The following PRKCQ variants were observed in gnomAD, a reference collection of about 807,000 sequenced individuals.
PRKCQ encodes the protein protein kinase C theta, also known as protein kinase C theta type.
PRKCQ carries 41 observed loss-of-function variants against 91.2 expected under a neutral mutation model. That is an observed-to-expected ratio of 0.45 (90% confidence interval 0.35 to 0.58). The LOEUF (loss-of-function observed/expected upper bound fraction) is 0.58. PRKCQ is among the 20% of genes least tolerant of loss of function. The probability of loss-of-function intolerance (pLI) is 0.00; values close to 1 mark genes in which losing one functional copy is unlikely to be tolerated. For synonymous variants in PRKCQ, 307 were observed against 316.9 expected, an observed-to-expected ratio of 0.97 and a Z score of 0.33; for missense variants, 673 against 896.5, an observed-to-expected ratio of 0.75 and a Z score of 3.18.
chr10:6,505,487 T>TTCCC (rs71391843), intron 4 of PRKCQ, among the ~76,000 whole-genome samples: 6 of 148,214 alleles, frequency 4.0e-5, no homozygotes, highest in African/African-American at 7.5e-5. Flanking sequence ...CCTTCCTTCC[T>TTCCC]TCCCTCCCTC....
At chr10:6,424,353 G>T (rs1833068733), downstream of PRKCQ, among the ~76,000 whole-genome samples, 2 of 152,148 alleles carry the variant, frequency 1.3e-5, no homozygotes, top group Admixed American at 1.3e-4. Context: ...CATCTAGCTC[G>T]AGAGGGCAGT....
chr10:6,520,558 C>T lies in PRKCQ; in HGVS notation c.-9-5414G>A, dbSNP rs576215397. Among the ~76,000 whole-genome samples the T allele has an allele frequency of 1.4e-4, 21 of 152,304 alleles. No individual in the cohort carries two copies. In the South Asian group the frequency reaches 1.9e-3, roughly 14 times the overall value. On this transcript the variant is annotated intron_variant, in intron 1 of 17. Transcript: ENST00000263125. Reference sequence around the variant, plus strand: ...GGAAAGCTGCAACCTCTCCCTGGAACGCCTCCCTGTTTCACTCCATCCTCC... The same window carrying T: ...GGAAAGCTGCAACCTCTCCCTGGAATGCCTCCCTGTTTCACTCCATCCTCC...
intron 12 of PRKCQ, among the ~76,000 whole-genome samples, chr10:6,467,397 G>GAGAGAGAGAGAGAGAC (rs1835739180): frequency 1.3e-5 from 1 of 76,202 alleles, no homozygotes; most frequent in African/African-American, 4.4e-5. Context: ...GACAGAGAGA[G>GAGAGAGAGAGAGAGAC]AGAGAGAGAG....
intron 10 of PRKCQ, 92 bp downstream of exon 10, chr10:6,485,060 G>A: frequency 1.8e-6 from 2 of 1,125,720 alleles, no homozygotes; most frequent in Non-Finnish European, 2.7e-6. Flanking sequence ...TATCAGACCA[G>A]GTAAGCTGAT....
At chr10:6,487,154 G>A (rs1836974588) in intron 8 of PRKCQ, among the ~76,000 whole-genome samples, 1 of 152,130 alleles carries the variant, frequency 6.6e-6, no homozygotes, top group African/African-American at 2.4e-5. Context: ...TGTGATTATG[G>A]GAAGGGTAGA....
intron 4 of PRKCQ, among the ~76,000 whole-genome samples, chr10:6,502,783 A>G (rs1291475680): frequency 6.6e-6 from 1 of 152,242 alleles, no homozygotes; most frequent in African/African-American, 2.4e-5. Flanking sequence ...GGCTATAAAA[A>G]TTACTTCCAG....
intron 16 of PRKCQ, among the ~76,000 whole-genome samples, chr10:6,436,119 A>T (rs755844683): frequency 6.6e-6 from 1 of 152,160 alleles, no homozygotes; most frequent in Non-Finnish European, 1.5e-5. Flanking sequence ...GTCTTAAAAA[A>T]GAAAAGAACC....
At chr10:6,483,270 A>G (rs1388875822) in intron 11 of PRKCQ, among the ~76,000 whole-genome samples, 170 bp downstream of exon 11, 1 of 152,164 alleles carries the variant, frequency 6.6e-6, no homozygotes, top group Non-Finnish European at 1.5e-5. Context: ...TGAGGCTACT[A>G]TGGGCCTAGA....
intron 16 of PRKCQ, among the ~76,000 whole-genome samples, chr10:6,436,587 C>A (rs1368810900): frequency 6.6e-6 from 1 of 152,184 alleles, no homozygotes; most frequent in Non-Finnish European, 1.5e-5. Flanking sequence ...CCCCAGCACC[C>A]CAACCCCAGG....
chr10:6,395,447 G>A, the PRKCQ span, among the ~76,000 whole-genome samples: 1 of 151,862 alleles, frequency 6.6e-6, no homozygotes, highest in Admixed American at 6.6e-5. Flanking sequence ...TAAATGGGGA[G>A]AAGGCTCCTG....
chr10:6,496,061 C>T (rs960008227), intron 7 of PRKCQ, among the ~76,000 whole-genome samples: 12 of 151,668 alleles, frequency 7.9e-5, no homozygotes, highest in Admixed American at 3.3e-4. Flanking sequence ...ACTAAAAATA[C>T]GAAAATTAGC....
intron 15 of PRKCQ, among the ~76,000 whole-genome samples, chr10:6,447,406 C>CAAA (rs151312430): frequency 0.04 from 4,821 of 119,470 alleles, 271 homozygotes; most frequent in African/African-American, 0.13. Flanking sequence ...GACTCCACCT[C>CAAA]AAAAAAAAAA....
At chr10:6,575,947 G>A (rs1282431897) in intron 1 of PRKCQ, among the ~76,000 whole-genome samples, 1 of 152,150 alleles carries the variant, frequency 6.6e-6, no homozygotes, top group East Asian at 1.9e-4. Context: ...GGCTGAGGCA[G>A]GAGAATTGCT....
chr10:6,511,367 C>T (rs1342315466), intron 2 of PRKCQ, among the ~76,000 whole-genome samples, 173 bp from the exon 3 acceptor site: 1 of 152,142 alleles, frequency 6.6e-6, no homozygotes, highest in Non-Finnish European at 1.5e-5. Context: ...ATGAGACAGT[C>T]CCCGGGTCCA....
chr10:6,573,139 T>C (rs1351365998), intron 1 of PRKCQ, among the ~76,000 whole-genome samples: 6 of 152,248 alleles, frequency 3.9e-5, no homozygotes. Flanking sequence ...TCTGTTTTAT[T>C]CTATTTCATG....
chr10:6,471,771 CAAT>C (rs1247602458), intron 12 of PRKCQ, among the ~76,000 whole-genome samples: 3 of 151,826 alleles, frequency 2.0e-5, no homozygotes, highest in Admixed American at 6.6e-5. Context: ...ACAAACACAA[CAAT>C]GACAACAACA....
At chr10:6,437,545 G>A (rs11258802) in intron 16 of PRKCQ, among the ~76,000 whole-genome samples, 4 of 152,106 alleles carry the variant, frequency 2.6e-5, no homozygotes, top group East Asian at 1.9e-4. Flanking sequence ...TCATTATTAC[G>A]ATTGCTACAT....
Position 6,518,096 on chromosome 10 carries a change from C to G in PRKCQ, c.-9-2952G>C, listed in dbSNP as rs1439371705. Among the ~76,000 whole-genome samples the G allele has an allele frequency of 2.6e-5, 4 of 152,284 alleles. No homozygotes were observed. In the East Asian group the frequency reaches 7.7e-4, roughly 29 times the overall value. ...AATTTTGGGGAAAGACAGAACTGTTCTCCGGCTTGATTGTTCTAGTGGTCA... is the reference window on the plus strand; with the variant it reads ...AATTTTGGGGAAAGACAGAACTGTTGTCCGGCTTGATTGTTCTAGTGGTCA... On this transcript the variant is annotated intron_variant, in intron 1 of 17. Transcript: ENST00000263125.
chr10:6,456,309 A>G (rs1834999572), intron 15 of PRKCQ, among the ~76,000 whole-genome samples: 1 of 152,202 alleles, frequency 6.6e-6, no homozygotes, highest in African/African-American at 2.4e-5. Context: ...GGTGGCTTAG[A>G]AACTCAGTCC....
Sources: allele counts gnomAD v4.1 joint callset (sites outside exome capture counted in the v4.1 genomes callset), GRCh38; gene constraint gnomAD v4.1.1; transcripts MANE v1.5; gene names NCBI Gene and HGNC (gene_info 2026-07-23, HGNC 2026-07-21).